Variants in DPP10 observed in about 807,000 individuals in gnomAD.
DPP10 encodes the protein inactive dipeptidyl peptidase 10.
In DPP10, 33 loss-of-function variants were observed where a neutral mutation model predicts 120.9. The ratio of observed to expected loss-of-function variants is 0.27; its 90% confidence interval spans 0.21 to 0.37. The LOEUF is 0.37. Ranked by LOEUF, DPP10 falls within the 10% of genes least tolerant of loss-of-function variation. DPP10 has a pLI of 1.00. For missense variants in DPP10, 816 were observed against 942.8 expected (o/e 0.87, Z 1.76); for synonymous variants, 337 against 326.1 (o/e 1.03, Z -0.36).
At chr2:114,608,605 T>C (rs1693021586) in intron 1 of DPP10, among the ~76,000 whole-genome samples, 1 of 152,088 alleles carries the variant, frequency 6.6e-6, no homozygotes, top group Non-Finnish European at 1.5e-5. Flanking sequence ...TACACTCATA[T>C]GTTCATCACA....
intron 11 of DPP10, among the ~76,000 whole-genome samples, chr2:115,757,291 A>T (rs1383863824): frequency 6.6e-6 from 1 of 152,076 alleles, no homozygotes; most frequent in Non-Finnish European, 1.5e-5. Flanking sequence ...GTCTGTTTTC[A>T]TGCTGCTGAT....
At chr2:115,661,688 A>G (rs2088987510) in intron 5 of DPP10, among the ~76,000 whole-genome samples, 1 of 152,174 alleles carries the variant, frequency 6.6e-6, no homozygotes. Flanking sequence ...CAATAAATTT[A>G]TCAGCTGCCC....
chr2:115,690,614 T>C (rs1456462779), intron 7 of DPP10, among the ~76,000 whole-genome samples: 1 of 152,144 alleles, frequency 6.6e-6, no homozygotes, highest in Non-Finnish European at 1.5e-5. Context: ...GGTTTTACCA[T>C]GTTGGCCAGG....
intron 1 of DPP10, among the ~76,000 whole-genome samples, chr2:114,986,945 T>A (rs572804592): frequency 4.0e-4 from 61 of 152,058 alleles, no homozygotes; most frequent in Admixed American, 3.5e-3. Flanking sequence ...CTAATTTTTT[T>A]TTATTATTAT....
intron 5 of DPP10, among the ~76,000 whole-genome samples, chr2:115,687,741 A>G (rs1031570801): frequency 6.6e-6 from 1 of 152,072 alleles, no homozygotes; most frequent in African/African-American, 2.4e-5. Flanking sequence ...TGGATTTACA[A>G]TTAGAGAACG....
chr2:115,556,951 C>T (rs1440200268), intron 5 of DPP10, among the ~76,000 whole-genome samples: 2 of 151,962 alleles, frequency 1.3e-5, no homozygotes, highest in Non-Finnish European at 2.9e-5. Flanking sequence ...TGACATTTGC[C>T]CAAAGTCACG....
At chr2:114,966,109 G>A (rs759334961) in intron 1 of DPP10, among the ~76,000 whole-genome samples, 15 of 152,134 alleles carry the variant, frequency 9.9e-5, no homozygotes, top group East Asian at 5.8e-4. Context: ...AAGATATCCC[G>A]GGGACAGGGA....
chr2:115,199,047 GATA>G (rs1182246407), intron 1 of DPP10, among the ~76,000 whole-genome samples: 14 of 152,006 alleles, frequency 9.2e-5, no homozygotes, highest in Non-Finnish European at 1.5e-4. Context: ...TGATAATGTA[GATA>G]ATAATAGTAG....
At chr2:115,080,547 C>T (rs886678642) in intron 1 of DPP10, among the ~76,000 whole-genome samples, 11 of 152,082 alleles carry the variant, frequency 7.2e-5, no homozygotes, top group Admixed American at 2.6e-4. Flanking sequence ...AAAACCAAAG[C>T]TTATTCTTCT....
At chr2:115,468,191 A>G in intron 3 of DPP10, 1 of 493,762 alleles carries the variant, frequency 2.0e-6, no homozygotes, top group Non-Finnish European at 4.0e-6. Context: ...AAGTGATGGC[A>G]TCTATATCCT....
chr2:115,697,933 G>A (rs1365218680), intron 7 of DPP10, among the ~76,000 whole-genome samples: 1 of 152,158 alleles, frequency 6.6e-6, no homozygotes, highest in Non-Finnish European at 1.5e-5. Flanking sequence ...AGTGAGCCGA[G>A]ATGTGCCACT....
intron 1 of DPP10, among the ~76,000 whole-genome samples, chr2:114,616,238 A>G (rs1009078293): frequency 6.6e-6 from 1 of 152,108 alleles, no homozygotes; most frequent in Non-Finnish European, 1.5e-5. Context: ...GACTCCCATT[A>G]CAATTGACAG....
chr2:115,488,730 T>A (rs2075904914), intron 3 of DPP10, among the ~76,000 whole-genome samples: 2 of 115,118 alleles, frequency 1.7e-5, no homozygotes, highest in African/African-American at 6.7e-5. Context: ...GGGACTGTGG[T>A]GGGGTCGGGG....
intron 1 of DPP10, among the ~76,000 whole-genome samples, chr2:115,299,001 T>C (rs945848116): frequency 1.3e-5 from 2 of 152,030 alleles, no homozygotes; most frequent in Non-Finnish European, 2.9e-5. Flanking sequence ...TGGGCAATTT[T>C]AAGAAGCAGT....
chr2:114,562,014 G>A (rs1043411710), intron 1 of DPP10, among the ~76,000 whole-genome samples: 2 of 152,342 alleles, frequency 1.3e-5, no homozygotes, highest in Admixed American at 1.3e-4. Flanking sequence ...TTTGAGGAGA[G>A]TGATAAACTC....
Position 114,834,968 on chromosome 2 carries a change from C to G in DPP10, c.60+392130C>G, listed in dbSNP as rs138238934. 6.9e-3 allele frequency among the ~76,000 whole-genome samples: 1,009 copies of G among 147,218 alleles called. 66 individuals carry two copies. The highest frequency in any genetic ancestry group is 0.025 in the African/African-American group (970 of 39,312). On this transcript the variant is annotated intron_variant, in intron 1 of 25. Transcript: ENST00000410059. Reference sequence around the variant, plus strand: ...TATGTATATATAAGCCATATCTACACACCTATGTATATAAAAGACATATCT... The same window carrying G: ...TATGTATATATAAGCCATATCTACAGACCTATGTATATAAAAGACATATCT...
At chr2:115,359,796 G>A (rs2064649193) in intron 3 of DPP10, among the ~76,000 whole-genome samples, 1 of 151,586 alleles carries the variant, frequency 6.6e-6, no homozygotes, top group Non-Finnish European at 1.5e-5. Context: ...TTTCTTGGAG[G>A]TTTTCTTTCT....
intron 1 of DPP10, among the ~76,000 whole-genome samples, chr2:115,039,815 C>T (rs1350664636): frequency 1.3e-5 from 2 of 152,134 alleles, no homozygotes; most frequent in African/African-American, 2.4e-5. Flanking sequence ...ATTGGGCCAT[C>T]AAGTCGTCTG....
intron 1 of DPP10, among the ~76,000 whole-genome samples, chr2:115,163,198 G>T (rs1184507012): frequency 6.6e-6 from 1 of 152,206 alleles, no homozygotes; most frequent in African/African-American, 2.4e-5. Flanking sequence ...CGTATTCTAA[G>T]CACTGAAGAG....
Sources: allele counts gnomAD v4.1 joint callset (sites outside exome capture counted in the v4.1 genomes callset), GRCh38; gene constraint gnomAD v4.1.1; transcripts MANE v1.5; gene names NCBI Gene and HGNC (gene_info 2026-07-23, HGNC 2026-07-21).